The following RTN3 variants were observed in gnomAD, a reference collection of about 807,000 sequenced individuals.
RTN3 encodes the protein reticulon-3.
Under a neutral mutation model 77.8 loss-of-function variants are expected in RTN3, and 49 were observed. The observed-to-expected ratio is 0.63, with a 90% confidence interval of 0.50 to 0.80. The LOEUF (loss-of-function observed/expected upper bound fraction) is 0.80. RTN3 is among the 30% of genes least tolerant of loss of function. The pLI is 0.00. For synonymous variants in RTN3, 464 were observed against 446.9 expected (o/e 1.04, Z -0.48); for missense variants, 1,236 against 1,211.9 (o/e 1.02, Z -0.29).
chr11:63,722,493 T>C (rs1207674317), intron 3 of RTN3, among the ~76,000 whole-genome samples: 3 of 152,192 alleles, frequency 2.0e-5, no homozygotes, highest in Non-Finnish European at 2.9e-5. Context: ...ATAGTAAATA[T>C]GCAGTCAGAT....
intron 2 of RTN3, among the ~76,000 whole-genome samples, chr11:63,705,678 G>A (rs531044308): frequency 2.0e-5 from 3 of 152,328 alleles, no homozygotes; most frequent in Admixed American, 6.5e-5. Context: ...TCTGAGACAC[G>A]TCATAAAAGC....
chr11:63,711,299 G>C (rs1373730179), intron 2 of RTN3, among the ~76,000 whole-genome samples: 1 of 151,804 alleles, frequency 6.6e-6, no homozygotes, highest in Non-Finnish European at 1.5e-5. Flanking sequence ...AAAAGGAAAA[G>C]TTATTTATCT....
At chr11:63,721,854 T>G (rs1487053373) in intron 3 of RTN3, among the ~76,000 whole-genome samples, 2 of 152,202 alleles carry the variant, frequency 1.3e-5, no homozygotes, top group Admixed American at 1.3e-4. Context: ...GATCGTATAC[T>G]ATAGAGATTT....
At chr11:63,757,719 TTTC>T (rs1011955697) in intron 8 of RTN3, among the ~76,000 whole-genome samples, 1 of 127,330 alleles carries the variant, frequency 7.9e-6, no homozygotes, top group Admixed American at 1.1e-4. Context: ...TTTTTCTTTT[TTTC>T]TTTTTTTTTT....
chr11:63,744,240 CA>C (rs71468642), intron 3 of RTN3, among the ~76,000 whole-genome samples: 31 of 63,620 alleles, frequency 4.9e-4, no homozygotes, highest in African/African-American at 2.4e-3. Context: ...GACTCTGTCT[CA>C]AAAAAAAAAA....
At chr11:63,726,114 A>G (rs547533313) in intron 3 of RTN3, among the ~76,000 whole-genome samples, 5 of 152,306 alleles carry the variant, frequency 3.3e-5, no homozygotes, top group East Asian at 1.9e-4. Flanking sequence ...TTTAAAAGCA[A>G]TGTCAGAATG....
intron 2 of RTN3, among the ~76,000 whole-genome samples, chr11:63,718,187 C>CA (rs1353851273): frequency 2.0e-5 from 3 of 151,974 alleles, no homozygotes; most frequent in African/African-American, 7.2e-5. Context: ...TCCTAAAAAT[C>CA]AAAAAAGTCT....
At chr11:63,690,952 C>G (rs935430591) in intron 1 of RTN3, among the ~76,000 whole-genome samples, 5 of 152,096 alleles carry the variant, frequency 3.3e-5, no homozygotes, top group African/African-American at 9.7e-5. Context: ...GTACAGCTAT[C>G]TCCACTATCT....
Position 63,720,618 on chromosome 11 carries a change from A to G in RTN3, c.2116A>G (p.Ile706Val), listed in dbSNP as rs370443746. The change falls in exon 3 of 9, where the codon ATT becomes GTT. Residue 706 changes from isoleucine (I) to valine (V), a missense_variant. This residue lies in a region of RTN3 where 1,056 missense variants were observed against 990.4 expected (regional missense o/e 1.07). Coordinates refer to ENST00000377819, the MANE Select transcript of RTN3 (RefSeq NM_001265589.2). ...NESGGSEIKD[I>V]GSKYSEQSKE... ...GTCCGGTGGTTCTGAAATTAAAGAC[A>G]TTGGAAGCAAATACAGTGAACAAAG... The G allele has an allele frequency of 5.3e-5, 85 of 1,613,852 alleles. No individual in the cohort carries two copies. In the East Asian group the frequency reaches 7.4e-4, roughly 14 times the overall value.
intron 1 of RTN3, among the ~76,000 whole-genome samples, chr11:63,683,192 G>C (rs1176390915): frequency 6.6e-6 from 1 of 152,168 alleles, no homozygotes; most frequent in African/African-American, 2.4e-5. Context: ...GTATCAGGAA[G>C]CTTTTGCAGA....
chr11:63,746,862 T>C, intron 3 of RTN3: 1 of 412,982 alleles, frequency 2.4e-6, no homozygotes. Flanking sequence ...TGATAAACAG[T>C]ACTTTTGTCA....
intron 3 of RTN3, among the ~76,000 whole-genome samples, chr11:63,722,725 G>C (rs965988329): frequency 2.0e-5 from 3 of 152,166 alleles, no homozygotes; most frequent in South Asian, 2.1e-4. Context: ...TTGCTGTGCT[G>C]TGTCTAGAAG....
At chr11:63,743,841 G>T (rs567882199) in intron 3 of RTN3, among the ~76,000 whole-genome samples, 1 of 152,040 alleles carries the variant, frequency 6.6e-6, no homozygotes, top group Non-Finnish European at 1.5e-5. Context: ...GCTTGAACCC[G>T]GGAGCCAGAG....
upstream of RTN3, chr11:63,681,455 C>T (rs570061473): frequency 1.0e-4 from 57 of 552,332 alleles, no homozygotes; most frequent in South Asian, 1.5e-4. Flanking sequence ...TGTGCGCATG[C>T]GCGCTCGCGC....
intron 1 of RTN3, among the ~76,000 whole-genome samples, chr11:63,696,002 A>G (rs543371620): frequency 1.3e-5 from 2 of 152,210 alleles, no homozygotes; most frequent in South Asian, 2.1e-4. Flanking sequence ...ATAAATTCCC[A>G]TCTACAACCC....
At chr11:63,706,213 ACT>A (rs774925822) in intron 2 of RTN3, among the ~76,000 whole-genome samples, 39 of 151,926 alleles carry the variant, frequency 2.6e-4, no homozygotes, top group Non-Finnish European at 4.9e-4. Context: ...ATAGGGTCTC[ACT>A]CTGTCACCCT....
At chr11:63,744,125 G>A (rs1181558472) in intron 3 of RTN3, among the ~76,000 whole-genome samples, 2 of 150,146 alleles carry the variant, frequency 1.3e-5, no homozygotes, top group Non-Finnish European at 3.0e-5. Context: ...CACCTGTAAT[G>A]TCAGCTACTC....
intron 1 of RTN3, among the ~76,000 whole-genome samples, chr11:63,688,519 G>T (rs1941491324): frequency 6.6e-6 from 1 of 152,150 alleles, no homozygotes; most frequent in African/African-American, 2.4e-5. Context: ...ACCACGCCCG[G>T]CCAAGAAGTT....
rs1264722194 is a variant in RTN3, at chr11:63,720,315, A to G, written c.1813A>G (p.Thr605Ala). The G allele has an allele frequency of 6.2e-7, 1 of 1,613,816 alleles. No individual in the cohort carries two copies. The highest frequency in any genetic ancestry group is 1.3e-5 in the African/African-American group (1 of 75,030). Residue 605 changes from threonine (T) to alanine (A), a missense_variant, in exon 3 of 9, where the codon ACT becomes GCT. Thr to Ala is a moderately conservative substitution (Grantham distance 58, BLOSUM62 0). Around this residue, in one of 3 missense-constraint regions of RTN3, gnomAD observed 1,056 missense variants for 990.4 expected, o/e 1.07. Transcript: ENST00000377819. ...VSEVAPEKPI[T>A]TENPKLPSTV... Reference sequence around the variant, plus strand: ...TGAAGTTGCTCCTGAAAAGCCTATTACTACTGAGAACCCCAAACTTCCTTC... The same window carrying G: ...TGAAGTTGCTCCTGAAAAGCCTATTGCTACTGAGAACCCCAAACTTCCTTC...
Sources: allele counts gnomAD v4.1 joint callset (sites outside exome capture counted in the v4.1 genomes callset), GRCh38; gene constraint gnomAD v4.1.1; regional missense constraint gnomAD v4.1.1; transcripts MANE v1.5; gene names NCBI Gene and HGNC (gene_info 2026-07-23, HGNC 2026-07-21).